The following AGAP9 variants were observed in gnomAD, a reference collection of about 807,000 sequenced individuals.
AGAP9 encodes the protein arf-GAP with GTPase, ANK repeat and PH domain-containing protein 9.
In AGAP9, 23 loss-of-function variants were observed where a neutral mutation model predicts 55.6. That is an observed-to-expected ratio of 0.41 (90% CI 0.30 to 0.59). AGAP9 has a LOEUF of 0.59. Among genes scored for constraint, AGAP9 ranks in the 20% least tolerant of loss-of-function variants. AGAP9 has a pLI of 0.25. For missense variants in AGAP9, 309 were observed against 808.1 expected (o/e 0.38, Z 7.49); for synonymous variants, 120 against 305.0 (o/e 0.39, Z 6.32).
At chr10:47,516,780 T>A (rs1386527604) in intron 4 of AGAP9, among the ~76,000 whole-genome samples, 2 of 130,544 alleles carry the variant, frequency 1.5e-5, no homozygotes, top group Admixed American at 1.5e-4. Context: ...TGATAAATGC[T>A]ACAATACTTG....
chr10:47,510,377 G>A lies in AGAP9; in HGVS notation c.397-106C>T. The A allele has an allele frequency of 7.5e-6, 10 of 1,340,202 alleles. 1 individual carries two copies. The highest frequency in any genetic ancestry group is 4.0e-6 in the Non-Finnish European group (4 of 1,006,772). 83.0% of individuals were successfully genotyped at this position (1,340,202 alleles called of 1,614,324 possible). A position where few individuals can be genotyped will look rare whatever the true frequency, so the allele number is the denominator to read the frequency against. ...AGATATGTCTTACACTCCATGAACT[G>A]CCTGAGTGTGGTATCATGTGCAATC... On this transcript the variant is annotated intron_variant, in intron 4 of 7. Coordinates refer to ENST00000452145, the MANE Select transcript of AGAP9 (RefSeq NM_001190810.1).
chr10:47,502,428 G>C lies in AGAP9; in HGVS notation c.1701C>G (p.Ile567Met), dbSNP rs1840370501. The change falls in exon 8 of 8, where the codon ATC becomes ATG. Residue 567 changes from isoleucine to methionine, a missense_variant. Physicochemically the swap from Ile to Met is conservative, Grantham distance 10. Transcript: ENST00000452145. Reference sequence around the variant, plus strand: ...AGAGCTTCTCCTCATATTTGGAACGGATCCACCATTCCTTCTCTTCCCTCG... The same window carrying C: ...AGAGCTTCTCCTCATATTTGGAACGCATCCACCATTCCTTCTCTTCCCTCG... ...KSTREEKEWW[I>M]RSKYEEKLFL... The C allele has an allele frequency of 1.2e-6, 2 of 1,611,254 alleles. No homozygotes were observed. The highest frequency in any genetic ancestry group is 1.7e-6 in the Non-Finnish European group (2 of 1,179,816).
intron 4 of AGAP9, among the ~76,000 whole-genome samples, chr10:47,511,809 CTAAT>C (rs1191884646): frequency 2.7e-5 from 2 of 74,162 alleles, no homozygotes; most frequent in African/African-American, 9.4e-5. Flanking sequence ...TTTTTATACA[CTAAT>C]TAGTTGAATT....
chr10:47,520,827 C>T (rs1197979812), intron 2 of AGAP9, among the ~76,000 whole-genome samples: 18 of 106,518 alleles, frequency 1.7e-4, no homozygotes, highest in Admixed American at 7.4e-4. Context: ...ACAATGACAC[C>T]CTCCTTTATT....
Position 47,503,937 on chromosome 10 carries a change from C to CA in AGAP9, c.585+251dup, listed in dbSNP as rs1186798630. On this transcript the variant is annotated intron_variant, in intron 7 of 7. Coordinates refer to ENST00000452145, the MANE Select transcript of AGAP9 (RefSeq NM_001190810.1). ...CCTGGGCTACAGAAAGAGAGTCCATCAAAAAAAAAAAAAAAAAAAAAAAAA... is the reference window on the plus strand; with the variant it reads ...CCTGGGCTACAGAAAGAGAGTCCATCAAAAAAAAAAAAAAAAAAAAAAAAAA... 5.5e-3 allele frequency among the ~76,000 whole-genome samples: 128 copies of CA among 23,428 alleles called. 6 individuals are homozygous for CA. The highest frequency in any genetic ancestry group is 0.012 in the East Asian group (3 of 244). 15.4% of individuals were successfully genotyped at this position (23,428 alleles called of 152,430 possible). A position where few individuals can be genotyped will look rare whatever the true frequency, so the allele number is the denominator to read the frequency against.
chr10:47,513,084 G>A (rs1278606399), intron 4 of AGAP9, among the ~76,000 whole-genome samples: 2 of 143,388 alleles, frequency 1.4e-5, no homozygotes, highest in Non-Finnish European at 3.0e-5. Context: ...CCAGGCTGGA[G>A]TATGCAATGC....
chr10:47,502,970 G>T lies in AGAP9; in HGVS notation c.1159C>A (p.Pro387Thr). Reference sequence around the variant, plus strand: ...GGAGAGGGGGGCGGGTTGAGCTTGGGGCTGGTGGTGCTGGAGATACCGGGG... The same window carrying T: ...GGAGAGGGGGGCGGGTTGAGCTTGGTGCTGGTGGTGCTGGAGATACCGGGG... ...FSPGISSTTS[P>T]KLNPPPSPHA... The change falls in exon 8 of 8, where the codon CCC (proline) becomes ACC (threonine). Residue 387 changes from proline to threonine, a missense_variant. Pro to Thr is a conservative substitution (Grantham distance 38, BLOSUM62 -1). Coordinates refer to ENST00000452145, the MANE Select transcript of AGAP9 (RefSeq NM_001190810.1). The T allele has an allele frequency of 6.4e-7, 1 of 1,571,790 alleles. No individual in the cohort carries two copies. The highest frequency in any genetic ancestry group is 8.6e-7 in the Non-Finnish European group (1 of 1,157,434).
rs1840683086 is a variant in AGAP9, at chr10:47,514,104, G to A, written c.396+3719C>T. Among the ~76,000 whole-genome samples the A allele has an allele frequency of 2.1e-5, 3 of 140,996 alleles. 1 individual carries two copies. The highest frequency in any genetic ancestry group is 4.5e-4 in the South Asian group (2 of 4,454). The allele number at this position is 140,996 out of a possible 152,430, so 92.5% of individuals were successfully genotyped here. On this transcript the variant is annotated intron_variant, in intron 4 of 7. Coordinates refer to ENST00000452145, the MANE Select transcript of AGAP9 (RefSeq NM_001190810.1). ...GTATACAGACAACCACAGAGTGGGA[G>A]GAAATCTTCGCAGTCTATACATCTG...
In AGAP9 at chr10:47,502,339, T is replaced by C; in HGVS notation, c.1790A>G (p.Asp597Gly). ...CAGGATGGCTGTCTGCAGGTCCTCA[T>C]CAGTGGTGGCCCGCAGCAGCTGCTG... ...LGQQLLRATT[D>G]EDLQTAILLL... is the part of the protein sequence containing the mutation. The change falls in exon 8 of 8, where the codon GAT (aspartate) becomes GGT (glycine). Residue 597 changes from aspartate (D) to glycine (G), a missense_variant. Physicochemically the swap from Asp to Gly is moderately conservative, Grantham distance 94 (BLOSUM62 -1). Coordinates refer to ENST00000452145, the MANE Select transcript of AGAP9 (RefSeq NM_001190810.1). 6.2e-7 allele frequency: 1 copy of C among 1,603,146 alleles called. No individual in the cohort carries two copies. Among genetic ancestry groups the C allele is most frequent in the Non-Finnish European group, 8.5e-7 (1 of 1,177,266 alleles).
In AGAP9 at chr10:47,503,080, G is replaced by C; in HGVS notation, c.1049C>G (p.Ser350Ter). 6.2e-7 allele frequency: 1 copy of C among 1,611,564 alleles called. No homozygotes were observed. Among genetic ancestry groups the C allele is most frequent in the Non-Finnish European group, 8.5e-7 (1 of 1,179,608 alleles). Reference sequence around the variant, plus strand: ...AGAGCTGGAGATGGGTGCACAGGCTGATGTGGCTAGGGATGGCCACTTTCC... The same window carrying C: ...AGAGCTGGAGATGGGTGCACAGGCTCATGTGGCTAGGGATGGCCACTTTCC... ...VPGKWPSLATSACAPISSSKS... is the reference protein window; with the variant it reads ...VPGKWPSLAT Residue 350 changes from serine to a stop codon, truncating the protein, a stop_gained, in exon 8 of 8, where the codon TCA becomes TGA. Coordinates refer to ENST00000452145, the MANE Select transcript of AGAP9 (RefSeq NM_001190810.1). LOFTEE classifies it high-confidence loss of function.
At chr10:47,513,082 G>C (rs1212730822) in intron 4 of AGAP9, among the ~76,000 whole-genome samples, 8 of 142,882 alleles carry the variant, frequency 5.6e-5, no homozygotes, top group Non-Finnish European at 1.2e-4. Flanking sequence ...GCCCAGGCTG[G>C]AGTATGCAAT....
rs1228385188 is a variant in AGAP9 at position 47,522,210 on chromosome 10, T to C, written c.292+656A>G. 1.1e-4 allele frequency among the ~76,000 whole-genome samples: 15 copies of C among 141,680 alleles called. 2 individuals are homozygous for C. Among genetic ancestry groups the C allele is most frequent in the African/African-American group, 1.6e-4 (6 of 37,996 alleles). The allele number at this position is 141,680 out of a possible 152,430, so 92.9% of individuals were successfully genotyped here. ...GACATTTTAACCTGCAATCTTTATA[T>C]TACACATTAAAAGTCTACGTTGACG... On this transcript the variant is annotated intron_variant, in intron 2 of 7. Coordinates refer to ENST00000452145, the MANE Select transcript of AGAP9 (RefSeq NM_001190810.1).
Position 47,502,815 on chromosome 10 carries a change from G to A in AGAP9, c.1314C>T (p.Ile438=). ...YEERDAWVQA[I]QSQILASLQS... is the part of the protein sequence containing the mutation. ...GCAGGCTGGCCAGGATCTGGCTCTGGATGGCTTGGACCCAGGCATCCCGCT... is the reference window on the plus strand; with the variant it reads ...GCAGGCTGGCCAGGATCTGGCTCTGAATGGCTTGGACCCAGGCATCCCGCT... Residue 438 remains isoleucine, a synonymous_variant, in exon 8 of 8, where the codon ATC becomes ATT. Transcript: ENST00000452145. 1 of 1,596,440 alleles carries A rather than the reference G, an allele frequency of 6.3e-7. No homozygotes were observed. Among genetic ancestry groups the A allele is most frequent in the South Asian group, 1.1e-5 (1 of 90,454 alleles).
intron 4 of AGAP9, among the ~76,000 whole-genome samples, chr10:47,516,020 C>T (rs1162851052): frequency 7.5e-6 from 1 of 132,596 alleles, no homozygotes; most frequent in Non-Finnish European, 1.6e-5. Flanking sequence ...TCTTAAAACA[C>T]TCTCAAAAAA....
At chr10:47,503,704 T>C (rs1249393843) in intron 7 of AGAP9, among the ~76,000 whole-genome samples, 161 bp from the exon 8 acceptor site, 2 of 120,736 alleles carry the variant, frequency 1.7e-5, no homozygotes, top group African/African-American at 7.3e-5. Flanking sequence ...GGTGGGTGGA[T>C]CACGAGGTCA....
At chr10:47,513,191 C>T (rs1840663403) in intron 4 of AGAP9, among the ~76,000 whole-genome samples, 6 of 149,584 alleles carry the variant, frequency 4.0e-5, no homozygotes, top group Non-Finnish European at 3.0e-5. Flanking sequence ...AGCGCCACCA[C>T]GCCCGGCTAA....
At chr10:47,514,339 T>C (rs2132490221) in intron 4 of AGAP9, among the ~76,000 whole-genome samples, 1 of 149,878 alleles carries the variant, frequency 6.7e-6, no homozygotes, top group Non-Finnish European at 1.5e-5. Flanking sequence ...GAAGTAAGAC[T>C]ATTATTCTAA....
chr10:47,520,887 A>G (rs1840813666), intron 2 of AGAP9, among the ~76,000 whole-genome samples: 1 of 130,472 alleles, frequency 7.7e-6, no homozygotes, highest in Non-Finnish European at 1.6e-5. Flanking sequence ...TTTGGCTTTG[A>G]GTTGTGTAAA....
In AGAP9 at chr10:47,502,990, C is replaced by T; in HGVS notation, c.1139G>A (p.Gly380Asp). Reference sequence around the variant, plus strand: ...CTTGGGGCTGGTGGTGCTGGAGATACCGGGGCTGAAGCATATGGAGTCACC... The same window carrying T: ...CTTGGGGCTGGTGGTGCTGGAGATATCGGGGCTGAAGCATATGGAGTCACC... ...GLGDSICFSP[G>D]ISSTTSPKLN... Residue 380 changes from glycine to aspartate, a missense_variant, in exon 8 of 8, where the codon GGT (glycine) becomes GAT (aspartate). Coordinates refer to ENST00000452145, the MANE Select transcript of AGAP9 (RefSeq NM_001190810.1). 6.4e-7 allele frequency: 1 copy of T among 1,560,390 alleles called. No homozygotes were observed. The highest frequency in any genetic ancestry group is 8.7e-7 in the Non-Finnish European group (1 of 1,151,484).
Sources: gnomAD v4.1 joint callset for allele counts (sites outside exome capture counted in the v4.1 genomes callset) on GRCh38, gnomAD v4.1.1 for gene constraint, MANE v1.5 for transcripts, NCBI Gene and HGNC (gene_info 2026-07-23, HGNC 2026-07-21) for gene names.